PCDHA1: variants seen among roughly 807,000 people sequenced by gnomAD.
PCDHA1 encodes the protein protocadherin alpha-1.
A neutral mutation model predicts 61.3 loss-of-function variants in PCDHA1; 42 were observed. The ratio of observed to expected loss-of-function variants is 0.69; its 90% CI spans 0.54 to 0.89. PCDHA1 has a LOEUF of 0.89. PCDHA1 is among the 40% of genes least tolerant of loss of function. The pLI is 0.00. For synonymous variants in PCDHA1, 610 were observed against 553.8 expected (o/e 1.10, Z -1.43); for missense variants, 1,256 against 1,235.3 (o/e 1.02, Z -0.25).
At chr5:141,003,941 G>A (rs532794918) in intron 3 of PCDHA1, among the ~76,000 whole-genome samples, 1 of 152,236 alleles carries the variant, frequency 6.6e-6, no homozygotes, top group African/African-American at 2.4e-5. Flanking sequence ...TTTGCCTGAG[G>A]GTGAGCTAGG....
At chr5:140,856,019 C>G in intron 1 of PCDHA1, 1 of 1,551,820 alleles carries the variant, frequency 6.4e-7, no homozygotes, top group Non-Finnish European at 8.7e-7. Flanking sequence ...ACCGCTGATT[C>G]GTCGATTTGT....
chr5:140,846,341 GC>G (rs1780334025), intron 1 of PCDHA1, among the ~76,000 whole-genome samples: 1 of 144,650 alleles, frequency 6.9e-6, no homozygotes, highest in Non-Finnish European at 1.5e-5. Flanking sequence ...CTTTTAAAGT[GC>G]TTTCTCTTTT....
chr5:140,798,561 C>T (rs1762338866), intron 1 of PCDHA1, among the ~76,000 whole-genome samples: 1 of 152,116 alleles, frequency 6.6e-6, no homozygotes, highest in Non-Finnish European at 1.5e-5. Flanking sequence ...TGTGTGCAGG[C>T]CTCCCACTGC....
At chr5:140,973,586 C>T (rs1207651483) in intron 1 of PCDHA1, among the ~76,000 whole-genome samples, 2 of 152,176 alleles carry the variant, frequency 1.3e-5, no homozygotes, top group African/African-American at 4.8e-5. Context: ...GACTGCTGAG[C>T]CAGATGGAAT....
intron 1 of PCDHA1, among the ~76,000 whole-genome samples, chr5:140,961,085 T>C (rs1406733516): frequency 1.3e-5 from 2 of 152,230 alleles, no homozygotes; most frequent in East Asian, 3.8e-4. Flanking sequence ...CAAGTAATTG[T>C]TGACTTTTTG....
chr5:140,845,560 A>G (rs2150379954), intron 1 of PCDHA1, among the ~76,000 whole-genome samples: 47 of 149,642 alleles, frequency 3.1e-4, no homozygotes, highest in African/African-American at 1.1e-3. Context: ...GCTTTTAGCT[A>G]TTAAGAATTT....
intron 1 of PCDHA1, chr5:140,836,052 G>A (rs2150251542): frequency 2.4e-5 from 39 of 1,613,494 alleles, no homozygotes; most frequent in African/African-American, 4.0e-5. Flanking sequence ...GTTCGTGCTG[G>A]ACGAGAACGA....
rs1417036031 is a variant in PCDHA1, at chr5:140,855,830, G to A, written c.2394+67146G>A. On this transcript the variant is annotated intron_variant, in intron 1 of 3. Coordinates refer to ENST00000504120, the MANE Select transcript of PCDHA1 (RefSeq NM_018900.4). Reference sequence around the variant, plus strand: ...AGAAAAGTTGTGAACTCATGGAATCGTACTTACACCTAAAGCCACCGGATG... The same window carrying A: ...AGAAAAGTTGTGAACTCATGGAATCATACTTACACCTAAAGCCACCGGATG... The A allele has an allele frequency of 5.8e-5, 33 of 567,192 alleles. 2 individuals carry two copies. Among genetic ancestry groups the A allele is most frequent in the Non-Finnish European group, 9.5e-5 (31 of 325,120 alleles). The allele number at this position is 567,192 out of a possible 1,614,324, so 35.1% of individuals were successfully genotyped here.
intron 1 of PCDHA1, among the ~76,000 whole-genome samples, chr5:140,971,962 T>C (rs1392143830): frequency 6.6e-6 from 1 of 152,150 alleles, no homozygotes; most frequent in Non-Finnish European, 1.5e-5. Context: ...CAAAAACTTT[T>C]TTTCAATACT....
intron 1 of PCDHA1, chr5:140,809,166 C>G: frequency 6.2e-7 from 1 of 1,613,942 alleles, no homozygotes; most frequent in Non-Finnish European, 8.5e-7. Flanking sequence ...CCCGCGCTGA[C>G]GGCCACGGCC....
chr5:140,951,793 C>G (rs536005204), intron 1 of PCDHA1, among the ~76,000 whole-genome samples: 1 of 152,126 alleles, frequency 6.6e-6, no homozygotes, highest in African/African-American at 2.4e-5. Flanking sequence ...ATACAATTAT[C>G]CCTTCCCAAT....
chr5:140,824,128 G>T (rs2150132409), intron 1 of PCDHA1: 3 of 1,612,826 alleles, frequency 1.9e-6, no homozygotes, highest in Non-Finnish European at 2.5e-6. Context: ...TACAGACAAC[G>T]TGAGTTTTCT....
chr5:140,786,460 C>A lies in PCDHA1; in HGVS notation c.170C>A (p.Ala57Glu), dbSNP rs948063470. ...GCTCAGGACCTGGGACTGGAGCTGG[C>A]GGAGCTGGTGCCTCGCCTGTTCCGG... ...RVAQDLGLEL[A>E]ELVPRLFRVA... is the part of the protein sequence containing the mutation. The change falls in exon 1 of 4, where the codon GCG becomes GAG. Residue 57 changes from alanine (A) to glutamate (E), a missense_variant. Transcript: ENST00000504120. The A allele has an allele frequency of 6.2e-7, 1 of 1,613,528 alleles. No homozygotes were observed. Among genetic ancestry groups the A allele is most frequent in the Non-Finnish European group, 8.5e-7 (1 of 1,180,036 alleles).
intron 1 of PCDHA1, among the ~76,000 whole-genome samples, chr5:140,962,962 A>G (rs1273558602): frequency 1.3e-5 from 2 of 152,194 alleles, no homozygotes; most frequent in South Asian, 2.1e-4. Flanking sequence ...CTATCCCTAT[A>G]TAGGAAATTT....
At chr5:140,955,183 G>A (rs556157825) in intron 1 of PCDHA1, among the ~76,000 whole-genome samples, 1 of 152,122 alleles carries the variant, frequency 6.6e-6, no homozygotes, top group South Asian at 2.1e-4. Flanking sequence ...GTAGTTTTGT[G>A]GTGTATATGA....
At chr5:140,884,022 T>G (rs2059946002) in intron 1 of PCDHA1, 1 of 1,613,028 alleles carries the variant, frequency 6.2e-7, no homozygotes, top group Non-Finnish European at 8.5e-7. Context: ...CCGCGGTCGG[T>G]GGGTGCAGGC....
chr5:140,910,371 A>G (rs2153514600), intron 1 of PCDHA1, among the ~76,000 whole-genome samples: 1 of 152,246 alleles, frequency 6.6e-6, no homozygotes, highest in South Asian at 2.1e-4. Flanking sequence ...AGCTATGCCC[A>G]CCTTGCCTTT....
intron 1 of PCDHA1, chr5:140,810,623 A>C (rs1474517049): frequency 6.6e-6 from 1 of 152,124 alleles, no homozygotes; most frequent in South Asian, 2.1e-4. Flanking sequence ...TATTTTGTGC[A>C]ATAGCTGCTC....
At chr5:140,809,440 G>T (rs781955144) in intron 1 of PCDHA1, 7 of 1,614,098 alleles carry the variant, frequency 4.3e-6, no homozygotes, top group Non-Finnish European at 5.1e-6. Context: ...GGTCATACTC[G>T]CAGCAGAGGA....
Sources: gnomAD v4.1 joint callset for allele counts (sites outside exome capture counted in the v4.1 genomes callset) on GRCh38, gnomAD v4.1.1 for gene constraint, MANE v1.5 for transcripts, NCBI Gene and HGNC (gene_info 2026-07-23, HGNC 2026-07-21) for gene names.